The following MAGI1 variants were observed in gnomAD, a reference collection of about 807,000 sequenced individuals.
MAGI1 encodes the protein membrane associated guanylate kinase, WW and PDZ domain containing 1, also known as membrane-associated guanylate kinase, WW and PDZ domain-containing protein 1.
Under a neutral mutation model 139.9 loss-of-function variants are expected in MAGI1, and 58 were observed. That is an observed-to-expected ratio of 0.41 (90% CI 0.34 to 0.52). The LOEUF is 0.52. Ranked by LOEUF, MAGI1 falls within the 20% of genes least tolerant of loss-of-function variation. The pLI is 0.12. For missense variants in MAGI1, 1,874 were observed against 1,901.6 expected (o/e 0.99, Z 0.27); for synonymous variants, 812 against 737.9 (o/e 1.10, Z -1.63).
intron 2 of MAGI1, among the ~76,000 whole-genome samples, chr3:65,589,440 C>T (rs927978668): frequency 6.6e-6 from 1 of 152,100 alleles, no homozygotes; most frequent in African/African-American, 2.4e-5. Context: ...CCTTGCACTT[C>T]CTGCTCCAGT....
At chr3:65,373,562 T>C (rs1056883638) in intron 18 of MAGI1, among the ~76,000 whole-genome samples, 1 of 152,196 alleles carries the variant, frequency 6.6e-6, no homozygotes, top group African/African-American at 2.4e-5. Context: ...AACCTTCAAT[T>C]TGTACAAAAT....
At chr3:65,599,797 T>C (rs899231793) in intron 2 of MAGI1, among the ~76,000 whole-genome samples, 1 of 152,134 alleles carries the variant, frequency 6.6e-6, no homozygotes, top group Non-Finnish European at 1.5e-5. Context: ...ATTAGTGAAA[T>C]GCAAACACCA....
intron 1 of MAGI1, among the ~76,000 whole-genome samples, chr3:65,740,659 AG>A (rs2035185067): frequency 6.6e-6 from 1 of 152,258 alleles, no homozygotes; most frequent in African/African-American, 2.4e-5. Context: ...GCATCGGTTA[AG>A]AAATAATCTA....
At chr3:65,721,170 T>G (rs1201982775) in intron 1 of MAGI1, among the ~76,000 whole-genome samples, 3 of 152,154 alleles carry the variant, frequency 2.0e-5, no homozygotes, top group African/African-American at 7.2e-5. Flanking sequence ...ACTAATATGT[T>G]TGCCACCACT....
At chr3:65,364,492 A>C (rs762860792) in intron 20 of MAGI1, among the ~76,000 whole-genome samples, 173 bp downstream of exon 20, 10 of 152,180 alleles carry the variant, frequency 6.6e-5, no homozygotes, top group Non-Finnish European at 1.5e-4. Flanking sequence ...AAGGTAGTAA[A>C]ATAACATGTT....
chr3:65,951,790 G>T (rs2063874433), intron 1 of MAGI1, among the ~76,000 whole-genome samples: 1 of 152,124 alleles, frequency 6.6e-6, no homozygotes. Context: ...GTCTGGTGAT[G>T]ACTATTATTA....
intron 2 of MAGI1, among the ~76,000 whole-genome samples, chr3:65,537,150 T>C (rs1360153573): frequency 6.6e-6 from 1 of 152,176 alleles, no homozygotes; most frequent in Non-Finnish European, 1.5e-5. Flanking sequence ...TCATCCATTC[T>C]GTGAATTTAA....
At chr3:65,406,376 T>A (rs932939598) in intron 12 of MAGI1, among the ~76,000 whole-genome samples, 13 of 152,010 alleles carry the variant, frequency 8.6e-5, no homozygotes, top group Admixed American at 7.2e-4. Context: ...GAAGTGGGAA[T>A]GCCAACCAAC....
In MAGI1 at chr3:65,453,217, G is replaced by T. The variant is rs1174249411; in HGVS notation, c.1042+41C>A. The T allele has an allele frequency of 3.9e-6, 6 of 1,558,310 alleles. No individual in the cohort carries two copies. The African/African-American group carries it at 6.8e-5, about 18-fold the overall frequency. On this transcript the variant is annotated intron_variant, in intron 6 of 22. Transcript: ENST00000402939. The stretch of plus-strand genomic sequence containing the variant: ...TTTAAAATTTGCACATGTGAACAGT[G>T]CCCCCAATTCACTTAACCCAAGACC...
At chr3:65,926,203 T>C (rs2062494979) in intron 1 of MAGI1, among the ~76,000 whole-genome samples, 1 of 152,248 alleles carries the variant, frequency 6.6e-6, no homozygotes, top group Non-Finnish European at 1.5e-5. Context: ...TTTATTACAT[T>C]ATTGTGTGTT....
At chr3:65,563,617 G>A (rs1012652220) in intron 2 of MAGI1, among the ~76,000 whole-genome samples, 1 of 152,188 alleles carries the variant, frequency 6.6e-6, no homozygotes, top group Admixed American at 6.5e-5. Context: ...TGACATGTGA[G>A]TGAGACACCT....
At chr3:65,739,116 G>A (rs1160050146) in intron 1 of MAGI1, among the ~76,000 whole-genome samples, 1 of 152,194 alleles carries the variant, frequency 6.6e-6, no homozygotes, top group East Asian at 1.9e-4. Context: ...GTTTAGTATA[G>A]CCACATTCAT....
intron 10 of MAGI1, among the ~76,000 whole-genome samples, chr3:65,432,446 G>T (rs1364366338): frequency 6.6e-6 from 1 of 152,108 alleles, no homozygotes; most frequent in African/African-American, 2.4e-5. Flanking sequence ...AAAGGTCTCT[G>T]GGCATGCATA....
At chr3:65,934,123 A>G (rs1461372673) in intron 1 of MAGI1, among the ~76,000 whole-genome samples, 1 of 152,212 alleles carries the variant, frequency 6.6e-6, no homozygotes, top group Non-Finnish European at 1.5e-5. Context: ...ACTCTGTCTC[A>G]AACAAAAAAC....
chr3:65,920,698 C>G (rs2062133300), intron 1 of MAGI1, among the ~76,000 whole-genome samples: 1 of 152,142 alleles, frequency 6.6e-6, no homozygotes, highest in African/African-American at 2.4e-5. Flanking sequence ...TTACCCTCCC[C>G]CCATGGGTTT....
intron 5 of MAGI1, among the ~76,000 whole-genome samples, chr3:65,458,678 G>C (rs1192219748): frequency 1.3e-5 from 2 of 152,068 alleles, no homozygotes; most frequent in East Asian, 3.9e-4. Context: ...CCATAGAGTT[G>C]CTTGAGCTCC....
intron 5 of MAGI1, among the ~76,000 whole-genome samples, chr3:65,458,362 GT>G (rs1207484703): frequency 2.1e-3 from 285 of 137,330 alleles, no homozygotes; most frequent in African/African-American, 4.4e-3. Context: ...CTGTTTGTTT[GT>G]TTTTTTTTTT....
intron 1 of MAGI1, among the ~76,000 whole-genome samples, chr3:65,847,126 G>T (rs1157362364): frequency 6.6e-6 from 1 of 152,110 alleles, no homozygotes; most frequent in African/African-American, 2.4e-5. Flanking sequence ...AGCAACAGCT[G>T]ATCACTAGAG....
Position 65,353,950 on chromosome 3 carries a change from G to GT in MAGI1, c.*2427dup, listed in dbSNP as rs1940097373. On this transcript the variant is annotated 3_prime_UTR_variant, in exon 23 of 23. Coordinates refer to ENST00000402939, the MANE Select transcript of MAGI1 (RefSeq NM_001033057.2). Reference sequence around the variant, plus strand: ...AGTCCACGGATTGAGACAAGCCCAGGTGGGTAGCACATAGATTTTAAATTG... The same window carrying GT: ...AGTCCACGGATTGAGACAAGCCCAGGTTGGGTAGCACATAGATTTTAAATTG... The GT allele has an allele frequency of 6.6e-6, 1 of 152,230 alleles. No individual in the cohort carries two copies. The highest frequency in any genetic ancestry group is 1.5e-5 in the Non-Finnish European group (1 of 68,046). 9.4% of individuals were successfully genotyped at this position (152,230 alleles called of 1,614,324 possible).
Sources: gnomAD v4.1 joint callset for allele counts (sites outside exome capture counted in the v4.1 genomes callset) on GRCh38, gnomAD v4.1.1 for gene constraint, MANE v1.5 for transcripts, NCBI Gene and HGNC (gene_info 2026-07-23, HGNC 2026-07-21) for gene names.